Variants in ADAMTS3 observed in about 807,000 individuals in gnomAD.
ADAMTS3 encodes A disintegrin and metalloproteinase with thrombospondin motifs 3.
Under a neutral mutation model 129.0 loss-of-function variants are expected in ADAMTS3, and 73 were observed. The ratio of observed to expected loss-of-function variants is 0.57; its 90% CI spans 0.47 to 0.69. The LOEUF (loss-of-function observed/expected upper bound fraction) is 0.69. Among genes scored for constraint, ADAMTS3 ranks in the 30% least tolerant of loss-of-function variants. ADAMTS3 has a pLI of 0.00. For missense variants in ADAMTS3, 1,457 were observed against 1,514.5 expected, an observed-to-expected ratio of 0.96 and a Z score of 0.63; for synonymous variants, 477 against 510.8, an observed-to-expected ratio of 0.93 and a Z score of 0.89.
intron 19 of ADAMTS3, among the ~76,000 whole-genome samples, chr4:72,292,691 G>A (rs2109774274): frequency 6.6e-6 from 1 of 152,314 alleles, no homozygotes; most frequent in Admixed American, 6.5e-5. Context: ...CAAGCTGTCT[G>A]TATGTAATTC....
intron 4 of ADAMTS3, among the ~76,000 whole-genome samples, chr4:72,368,842 T>A (rs1180745766): frequency 2.0e-5 from 3 of 152,138 alleles, no homozygotes; most frequent in African/African-American, 7.2e-5. Flanking sequence ...TGATATAGAG[T>A]CATCATATGA....
rs766568944 is a variant in ADAMTS3 at position 72,295,736 on chromosome 4, C to T, written c.2641G>A (p.Val881Ile). 1 of 1,612,824 alleles carries T rather than the reference C, an allele frequency of 6.2e-7. No individual in the cohort carries two copies. Among genetic ancestry groups the T allele is most frequent in the Non-Finnish European group, 8.5e-7 (1 of 1,179,130 alleles). ...TTGGCCTCACAGAAGCTGCGATGGA[C>T]CATTTTATTATCACTTTTCCTACGG... The part of the protein sequence containing the change: ...GCRRKSDNKM[V>I]HRSFCEANKK... Residue 881 changes from valine (V) to isoleucine (I), a missense_variant, in exon 19 of 22, where the codon GTC becomes ATC. Coordinates refer to ENST00000286657, the MANE Select transcript of ADAMTS3 (RefSeq NM_014243.3).
intron 4 of ADAMTS3, among the ~76,000 whole-genome samples, chr4:72,343,776 C>A (rs1221126739): frequency 6.6e-6 from 1 of 152,104 alleles, no homozygotes; most frequent in Non-Finnish European, 1.5e-5. Context: ...AAAGGCCCTG[C>A]AAAAGGTAGA....
intron 4 of ADAMTS3, among the ~76,000 whole-genome samples, chr4:72,404,571 A>C (rs1018527963): frequency 5.3e-5 from 8 of 151,954 alleles, no homozygotes; most frequent in African/African-American, 1.9e-4. Flanking sequence ...AAAGCAAAAA[A>C]ACTTCGTGAT....
chr4:72,429,839 A>G (rs1189359178), intron 3 of ADAMTS3, among the ~76,000 whole-genome samples: 1 of 152,012 alleles, frequency 6.6e-6, no homozygotes, highest in Non-Finnish European at 1.5e-5. Context: ...TTGGGTGAAT[A>G]TAGAAAAGAC....
intron 3 of ADAMTS3, among the ~76,000 whole-genome samples, chr4:72,509,104 AC>A (rs372774736): frequency 2.2e-4 from 33 of 152,176 alleles, no homozygotes; most frequent in East Asian, 1.7e-3. Context: ...ACGTATTAAA[AC>A]CTTTGAGATA....
chr4:72,568,909 C>T lies in ADAMTS3; in HGVS notation c.-147G>A. 1 of 656,998 alleles carries T rather than the reference C, an allele frequency of 1.5e-6. No individual in the cohort carries two copies. The highest frequency in any genetic ancestry group is 2.8e-5 in the East Asian group (1 of 36,198). The allele number at this position is 656,998 out of a possible 1,614,324, so 40.7% of individuals were successfully genotyped here. ...AAAAATGATCTTCTGTGCTTTGCTT[C>T]AATGAAAATGAAATTTGAGCTCTGA... On this transcript the variant is annotated 5_prime_UTR_variant, in exon 1 of 22. Transcript: ENST00000286657.
At chr4:72,292,821 C>T (rs1218467736) in intron 19 of ADAMTS3, among the ~76,000 whole-genome samples, 1 of 152,154 alleles carries the variant, frequency 6.6e-6, no homozygotes, top group Admixed American at 6.6e-5. Context: ...TTGGTATTCA[C>T]AGTTTAAGAC....
intron 14 of ADAMTS3, among the ~76,000 whole-genome samples, chr4:72,310,410 T>C (rs1719200983): frequency 6.6e-6 from 1 of 152,074 alleles, no homozygotes; most frequent in Non-Finnish European, 1.5e-5. Context: ...GTAAGCTCAA[T>C]TACTTTAGAC....
At chr4:72,515,655 T>C (rs1437389808) in intron 3 of ADAMTS3, among the ~76,000 whole-genome samples, 15 of 152,012 alleles carry the variant, frequency 9.9e-5, no homozygotes, top group Non-Finnish European at 1.5e-4. Context: ...TGTCTGTTCA[T>C]GTCCTTCGCC....
intron 3 of ADAMTS3, among the ~76,000 whole-genome samples, chr4:72,437,651 TTG>T (rs1717985261): frequency 2.6e-5 from 4 of 151,724 alleles, no homozygotes; most frequent in African/African-American, 9.7e-5. Context: ...AGCCTCTGTG[TTG>T]GTGCACTATG....
At chr4:72,437,686 G>C (rs745373431) in intron 3 of ADAMTS3, among the ~76,000 whole-genome samples, 4 of 151,668 alleles carry the variant, frequency 2.6e-5, no homozygotes, top group Admixed American at 2.6e-4. Context: ...AGAGGGTGAT[G>C]ATAACAGAAA....
intron 3 of ADAMTS3, among the ~76,000 whole-genome samples, chr4:72,459,591 G>A (rs975756685): frequency 4.0e-5 from 6 of 151,402 alleles, no homozygotes; most frequent in African/African-American, 1.5e-4. Context: ...ACAAGATTGA[G>A]AAAATGTACA....
At chr4:72,308,043 T>G (rs1719134156) in intron 15 of ADAMTS3, among the ~76,000 whole-genome samples, 1 of 151,882 alleles carries the variant, frequency 6.6e-6, no homozygotes, top group Admixed American at 6.6e-5. Context: ...CATTATTCAC[T>G]GTGGAAATAA....
intron 4 of ADAMTS3, among the ~76,000 whole-genome samples, chr4:72,390,434 C>G (rs931974063): frequency 6.6e-6 from 1 of 152,128 alleles, no homozygotes; most frequent in African/African-American, 2.4e-5. Flanking sequence ...TGTGTGAAAA[C>G]TGAGGCACAG....
chr4:72,421,150 G>A (rs1242528518), intron 3 of ADAMTS3, among the ~76,000 whole-genome samples: 2 of 152,220 alleles, frequency 1.3e-5, no homozygotes, highest in Non-Finnish European at 2.9e-5. Flanking sequence ...GGCCCTCCAT[G>A]TCCTAGCCTT....
Position 72,399,902 on chromosome 4 carries a change from TA to T in ADAMTS3, c.661+14912del, listed in dbSNP as rs1178393982. ...CACACGGTGTGTATATACGTGTGTA[TA>T]TATGCACACACGGTGTGTATATACG... On this transcript the variant is annotated intron_variant, in intron 4 of 21. Transcript: ENST00000286657. Among the ~76,000 whole-genome samples the T allele has an allele frequency of 2.2e-3, 122 of 54,392 alleles. 22 individuals are homozygous for T. Among genetic ancestry groups the T allele is most frequent in the African/African-American group, 0.012 (120 of 10,192 alleles). 35.7% of individuals were successfully genotyped at this position (54,392 alleles called of 152,430 possible).
chr4:72,471,403 G>A (rs1407019697), intron 3 of ADAMTS3, among the ~76,000 whole-genome samples: 11 of 151,882 alleles, frequency 7.2e-5, no homozygotes, highest in African/African-American at 2.7e-4. Context: ...TAATATAACA[G>A]AGTACAAAAA....
chr4:72,326,621 A>G (rs1183295632), intron 5 of ADAMTS3, among the ~76,000 whole-genome samples: 1 of 152,064 alleles, frequency 6.6e-6, no homozygotes, highest in African/African-American at 2.4e-5. Flanking sequence ...GTTGCTCAAA[A>G]CAAGCAAGAT....
Sources: gnomAD v4.1 joint callset for allele counts (sites outside exome capture counted in the v4.1 genomes callset) on GRCh38, gnomAD v4.1.1 for gene constraint, MANE v1.5 for transcripts, NCBI Gene and HGNC (gene_info 2026-07-23, HGNC 2026-07-21) for gene names.